The following ZCWPW2 variants were observed in gnomAD, a reference collection of about 807,000 sequenced individuals.
ZCWPW2 encodes the protein zinc finger CW-type and PWWP domain containing 2, also known as zinc finger CW-type PWWP domain protein 2.
A neutral mutation model predicts 46.6 loss-of-function variants in ZCWPW2; 45 were observed. The observed-to-expected ratio is 0.96, with a 90% CI of 0.76 to 1.24. ZCWPW2 has a LOEUF of 1.24. Among genes scored for constraint, ZCWPW2 ranks in the 50% most tolerant of loss-of-function variants. The pLI is 0.00. For missense variants in ZCWPW2, 429 were observed against 403.9 expected (o/e 1.06, Z -0.53); for synonymous variants, 152 against 137.1 (o/e 1.11, Z -0.76).
intron 9 of ZCWPW2, among the ~76,000 whole-genome samples, chr3:28,522,917 C>G (rs1700760104): frequency 6.6e-6 from 1 of 152,054 alleles, no homozygotes; most frequent in Admixed American, 6.6e-5. Flanking sequence ...TGGTTTTGTG[C>G]AGTGTTTTTC....
intron 1 of ZCWPW2, among the ~76,000 whole-genome samples, chr3:28,371,180 A>G (rs1705322646): frequency 6.6e-6 from 1 of 152,216 alleles, no homozygotes; most frequent in African/African-American, 2.4e-5. Flanking sequence ...TTCTACCTAA[A>G]TTATGTGTTG....
chr3:28,502,718 T>C (rs1700180603), intron 6 of ZCWPW2, among the ~76,000 whole-genome samples: 1 of 152,180 alleles, frequency 6.6e-6, no homozygotes, highest in South Asian at 2.1e-4. Context: ...TCCACAGGGC[T>C]GCTGGGCTGC....
rs1049984604 is a variant in ZCWPW2 at position 28,390,544 on chromosome 3, C to A, written c.-87C>A. 4 of 985,366 alleles carry A rather than the reference C, an allele frequency of 4.1e-6. No individual in the cohort carries two copies. Among genetic ancestry groups the A allele is most frequent in the Non-Finnish European group, 4.8e-6 (4 of 829,906 alleles). 61.0% of individuals were successfully genotyped at this position (985,366 alleles called of 1,614,324 possible). A position where few individuals can be genotyped will look rare whatever the true frequency, so the allele number is the denominator to read the frequency against. On this transcript the variant is annotated 5_prime_UTR_variant, in exon 2 of 10. Transcript: ENST00000383768. ...GCCTCTTTAGTGACTACAGACCTCA[C>A]TTCCCTTCTCTGGAGTTTTGGAGTC...
chr3:28,458,352 A>G (rs1698500435), intron 4 of ZCWPW2, among the ~76,000 whole-genome samples: 1 of 152,192 alleles, frequency 6.6e-6, no homozygotes, highest in South Asian at 2.1e-4. Flanking sequence ...CTATATGAGC[A>G]TTGAAGAACT....
At chr3:28,524,380 T>C in intron 9 of ZCWPW2, 147 bp from the exon 10 acceptor site, 3 of 720,086 alleles carry the variant, frequency 4.2e-6, no homozygotes. Flanking sequence ...TCCTGCATTA[T>C]ACTATATATA....
chr3:28,439,932 C>T lies in ZCWPW2; in HGVS notation c.492+4663C>T, dbSNP rs1339540916. Among the ~76,000 whole-genome samples, 3 of 152,204 alleles carry T rather than the reference C, an allele frequency of 2.0e-5. No individual in the cohort carries two copies. The East Asian group carries it at 5.8e-4, about 29-fold the overall frequency. The stretch of plus-strand genomic sequence containing the variant: ...TGGTATTGACAACTACCTTCTTCTA[C>T]TACCCATTCTGTATTCCCTTTGCCT... On this transcript the variant is annotated intron_variant, in intron 4 of 9. Coordinates refer to ENST00000383768, the MANE Select transcript of ZCWPW2 (RefSeq NM_001040432.4).
At chr3:28,407,751 A>G (rs1239678371) in intron 2 of ZCWPW2, among the ~76,000 whole-genome samples, 1 of 152,218 alleles carries the variant, frequency 6.6e-6, no homozygotes, top group African/African-American at 2.4e-5. Flanking sequence ...TAACTAAGTT[A>G]TGAAATAAAA....
In ZCWPW2 at chr3:28,437,494, A is replaced by G. The variant is rs1421972831; in HGVS notation, c.492+2225A>G. Among the ~76,000 whole-genome samples the G allele has an allele frequency of 2.0e-5, 3 of 152,130 alleles. No homozygotes were observed. In the East Asian group the frequency reaches 5.8e-4, roughly 29 times the overall value. On this transcript the variant is annotated intron_variant, in intron 4 of 9. Transcript: ENST00000383768. ...TTATTATGAAAATTTTAACTATTTT[A>G]TTTTGGCTCAATCATGTTTGTCTAG...
chr3:28,353,393 A>G (rs181231366), intron 1 of ZCWPW2, among the ~76,000 whole-genome samples: 7 of 152,264 alleles, frequency 4.6e-5, no homozygotes, highest in Non-Finnish European at 8.8e-5. Context: ...TTATGTTGGG[A>G]TAAGCTAATG....
At chr3:28,457,363 AAC>A (rs1357162035) in intron 4 of ZCWPW2, among the ~76,000 whole-genome samples, 2 of 152,196 alleles carry the variant, frequency 1.3e-5, no homozygotes, top group Non-Finnish European at 2.9e-5. Flanking sequence ...TTTCACCTTA[AAC>A]ACATATTCTA....
chr3:28,438,761 A>G (rs919014929), intron 4 of ZCWPW2, among the ~76,000 whole-genome samples: 2 of 152,168 alleles, frequency 1.3e-5, no homozygotes, highest in Non-Finnish European at 2.9e-5. Flanking sequence ...AAAGATGCTC[A>G]AAGAACTAAA....
chr3:28,460,580 C>A (rs1259696902), intron 4 of ZCWPW2, among the ~76,000 whole-genome samples: 2 of 152,114 alleles, frequency 1.3e-5, no homozygotes, highest in African/African-American at 4.8e-5. Context: ...TCTATGGATT[C>A]TCTGATGCAC....
intron 1 of ZCWPW2, among the ~76,000 whole-genome samples, chr3:28,365,991 T>G (rs1396738806): frequency 6.6e-6 from 1 of 150,514 alleles, no homozygotes; most frequent in Admixed American, 6.7e-5. Flanking sequence ...GCACATTGAT[T>G]TTGCGTCCTG....
At chr3:28,362,788 G>A (rs374300711) in intron 1 of ZCWPW2, among the ~76,000 whole-genome samples, 13 of 152,098 alleles carry the variant, frequency 8.5e-5, no homozygotes, top group African/African-American at 2.9e-4. Flanking sequence ...ACTATTCAGA[G>A]TAGCAAAGAC....
In ZCWPW2 at chr3:28,421,084, G is replaced by A. The variant is rs538902241; in HGVS notation, c.332+7684G>A. On this transcript the variant is annotated intron_variant, in intron 3 of 9. Transcript: ENST00000383768. ...GGCTGCTTTTGCTACTGTGTCAGCA[G>A]GATATGTGGGAGCACCTCTTTGTTA... Among the ~76,000 whole-genome samples the A allele has an allele frequency of 1.1e-4, 16 of 152,176 alleles. No homozygotes were observed. In the East Asian group the frequency reaches 2.9e-3, roughly 28 times the overall value.
chr3:28,457,180 T>G (rs1030701780), intron 4 of ZCWPW2, among the ~76,000 whole-genome samples: 1 of 152,178 alleles, frequency 6.6e-6, no homozygotes, highest in Non-Finnish European at 1.5e-5. Context: ...AAACTAGTTT[T>G]GAAAATAAAT....
At chr3:28,386,072 C>A (rs180678391) in intron 1 of ZCWPW2, among the ~76,000 whole-genome samples, 179 of 152,052 alleles carry the variant, frequency 1.2e-3, no homozygotes, top group Non-Finnish European at 5.0e-4. Context: ...TTGTTATAAA[C>A]TGAATGTTTG....
intron 1 of ZCWPW2, among the ~76,000 whole-genome samples, chr3:28,378,795 G>A (rs962570258): frequency 6.6e-6 from 1 of 152,066 alleles, no homozygotes; most frequent in Non-Finnish European, 1.5e-5. Flanking sequence ...TCATTTAGAT[G>A]CTAGGGATAA....
intron 8 of ZCWPW2, among the ~76,000 whole-genome samples, chr3:28,520,195 C>T (rs1366800812): frequency 1.3e-5 from 2 of 151,766 alleles, no homozygotes; most frequent in Non-Finnish European, 2.9e-5. Flanking sequence ...TTAGTAGAGA[C>T]GGGGTTTCAC....
Sources: allele counts gnomAD v4.1 joint callset (sites outside exome capture counted in the v4.1 genomes callset), GRCh38; gene constraint gnomAD v4.1.1; transcripts MANE v1.5; gene names NCBI Gene and HGNC (gene_info 2026-07-23, HGNC 2026-07-21).